The following UNC5C variants were observed in gnomAD, a reference collection of about 807,000 sequenced individuals.
UNC5C encodes the protein unc-5 netrin receptor C.
UNC5C carries 47 observed loss-of-function variants against 99.8 expected under a neutral mutation model. That is an observed-to-expected ratio of 0.47 (90% CI 0.37 to 0.60). The LOEUF (loss-of-function observed/expected upper bound fraction) is 0.60, where lower values mean the gene tolerates loss of function less well. Among genes scored for constraint, UNC5C ranks in the 20% least tolerant of loss-of-function variants. The pLI, the probability that UNC5C is intolerant of heterozygous loss-of-function variation, is 0.00. For missense variants in UNC5C, 1,062 were observed against 1,165.9 expected, an observed-to-expected ratio of 0.91 and a Z score of 1.30; for synonymous variants, 487 against 452.2, an observed-to-expected ratio of 1.08 and a Z score of -0.98.
intron 1 of UNC5C, among the ~76,000 whole-genome samples, chr4:95,516,366 CT>C (rs1258981345): frequency 6.6e-6 from 1 of 152,126 alleles, no homozygotes; most frequent in Non-Finnish European, 1.5e-5. Context: ...ACAGAAGGTT[CT>C]TTGGTTTGGA....
At chr4:95,307,706 A>C (rs1742112009) in intron 2 of UNC5C, among the ~76,000 whole-genome samples, 1 of 152,210 alleles carries the variant, frequency 6.6e-6, no homozygotes, top group African/African-American at 2.4e-5. Context: ...ATAAACAAAG[A>C]TGCAAAAATC....
chr4:95,528,394 A>G (rs927369203), intron 1 of UNC5C, among the ~76,000 whole-genome samples: 1 of 152,166 alleles, frequency 6.6e-6, no homozygotes, highest in African/African-American at 2.4e-5. Flanking sequence ...CCTTCAAGGA[A>G]AAGGAGAAAT....
chr4:95,548,285 GC>G (rs1723129179), intron 1 of UNC5C, among the ~76,000 whole-genome samples: 1 of 152,104 alleles, frequency 6.6e-6, no homozygotes, highest in Admixed American at 6.5e-5. Flanking sequence ...TGAAGATCCT[GC>G]TACCCCAGTC....
At chr4:95,219,934 A>G in intron 8 of UNC5C, 51 bp downstream of exon 8, 1 of 1,561,704 alleles carries the variant, frequency 6.4e-7, no homozygotes, top group East Asian at 2.3e-5. Context: ...ATTGATTTTG[A>G]AACTGCTTAC....
At chr4:95,238,452 T>C (rs1739206519) in intron 7 of UNC5C, among the ~76,000 whole-genome samples, 1 of 152,120 alleles carries the variant, frequency 6.6e-6, no homozygotes, top group Admixed American at 6.5e-5. Flanking sequence ...AAATGGAAAT[T>C]TTTAACTTAG....
At chr4:95,311,303 C>CA (rs1348246744) in intron 2 of UNC5C, among the ~76,000 whole-genome samples, 8 of 152,016 alleles carry the variant, frequency 5.3e-5, no homozygotes, top group African/African-American at 1.9e-4. Flanking sequence ...ATAAAAAAAA[C>CA]AATTTTGTGA....
chr4:95,520,257 C>T (rs1016181092), intron 1 of UNC5C, among the ~76,000 whole-genome samples: 11 of 152,100 alleles, frequency 7.2e-5, no homozygotes, highest in African/African-American at 2.7e-4. Flanking sequence ...GTCATTCTTT[C>T]AAGATAATAC....
intron 1 of UNC5C, among the ~76,000 whole-genome samples, chr4:95,369,329 T>C (rs1276657259): frequency 6.6e-6 from 1 of 151,934 alleles, no homozygotes; most frequent in Non-Finnish European, 1.5e-5. Flanking sequence ...GGTGGGCAGA[T>C]CACTTGAGGT....
rs560307300 is a variant in UNC5C, at chr4:95,427,278, T to C, written c.125-91647A>G. On this transcript the variant is annotated intron_variant, in intron 1 of 15. Coordinates refer to ENST00000453304, the MANE Select transcript of UNC5C (RefSeq NM_003728.4). ...TTCCTGGTCAAGATGCTGTGAATATTGTTGAAATGACAACAAAGGATTTAG... is the reference window on the plus strand; with the variant it reads ...TTCCTGGTCAAGATGCTGTGAATATCGTTGAAATGACAACAAAGGATTTAG... Among the ~76,000 whole-genome samples the C allele has an allele frequency of 6.4e-4, 97 of 152,332 alleles. 1 individual carries two copies. The highest frequency in any genetic ancestry group is 2.3e-3 in the African/African-American group (97 of 41,592).
intron 1 of UNC5C, among the ~76,000 whole-genome samples, chr4:95,388,277 A>C (rs1036800118): frequency 3.9e-5 from 6 of 152,228 alleles, no homozygotes; most frequent in Non-Finnish European, 7.3e-5. Context: ...AGAACATAAA[A>C]TAATACCTTG....
intron 10 of UNC5C, among the ~76,000 whole-genome samples, chr4:95,213,939 T>C (rs772533544): frequency 2.7e-4 from 41 of 152,148 alleles, no homozygotes; most frequent in Non-Finnish European, 4.7e-4. Context: ...AGAAAGTGCT[T>C]TGTGATCAGA....
At chr4:95,255,638 C>T (rs896353021) in intron 4 of UNC5C, among the ~76,000 whole-genome samples, 1 of 152,104 alleles carries the variant, frequency 6.6e-6, no homozygotes, top group African/African-American at 2.4e-5. Flanking sequence ...ATTTGTACTC[C>T]GTATCTTAGT....
At chr4:95,369,514 C>T (rs959262970) in intron 1 of UNC5C, among the ~76,000 whole-genome samples, 3 of 151,990 alleles carry the variant, frequency 2.0e-5, no homozygotes, top group African/African-American at 4.8e-5. Context: ...ATTGCTTGCG[C>T]CACTGCACTC....
rs1037924480 is a variant in UNC5C at position 95,166,149 on chromosome 4, T to C, written c.*3085A>G. 1.3e-5 allele frequency: 2 copies of C among 152,208 alleles called. No homozygotes were observed. Among genetic ancestry groups the C allele is most frequent in the South Asian group, 2.1e-4 (1 of 4,832 alleles). 9.4% of individuals were successfully genotyped at this position (152,208 alleles called of 1,614,324 possible). On this transcript the variant is annotated 3_prime_UTR_variant, in exon 16 of 16. Coordinates refer to ENST00000453304, the MANE Select transcript of UNC5C (RefSeq NM_003728.4). ...GCAGCATGCACAAATGATAGTTTTT[T>C]CTATCCAAATGAAACCAGCCAAACT...
chr4:95,269,448 A>C (rs1740575333), intron 4 of UNC5C, among the ~76,000 whole-genome samples: 1 of 151,884 alleles, frequency 6.6e-6, no homozygotes, highest in African/African-American at 2.4e-5. Context: ...TGCCTGGCTA[A>C]TTTTTATTTT....
At chr4:95,345,792 A>G (rs1260865995) in intron 1 of UNC5C, among the ~76,000 whole-genome samples, 1 of 152,010 alleles carries the variant, frequency 6.6e-6, no homozygotes, top group Non-Finnish European at 1.5e-5. Context: ...AAATTTAAAA[A>G]TTTATTGAAA....
rs540046258 is a variant in UNC5C at position 95,219,596 on chromosome 4, C to T, written c.1301-283G>A. On this transcript the variant is annotated intron_variant, in intron 8 of 15. Coordinates refer to ENST00000453304, the MANE Select transcript of UNC5C (RefSeq NM_003728.4). ...CAACAGATTGGATTGAACAACGAGC[C>T]TCACTAGGTGACGATTAGCTATGGT... Among the ~76,000 whole-genome samples, 4 of 152,252 alleles carry T rather than the reference C, an allele frequency of 2.6e-5. No homozygotes were observed. The South Asian group carries it at 8.3e-4, about 32-fold the overall frequency.
intron 5 of UNC5C, among the ~76,000 whole-genome samples, chr4:95,248,785 C>T (rs1017646490): frequency 1.3e-5 from 2 of 152,154 alleles, no homozygotes; most frequent in Admixed American, 1.3e-4. Flanking sequence ...ATTCCTATCA[C>T]CTAATAACCT....
chr4:95,407,241 G>A (rs1201193831), intron 1 of UNC5C, among the ~76,000 whole-genome samples: 1 of 152,074 alleles, frequency 6.6e-6, no homozygotes, highest in Non-Finnish European at 1.5e-5. Flanking sequence ...ACTATATGAA[G>A]AGAATAAAGG....
Sources: allele counts gnomAD v4.1 joint callset (sites outside exome capture counted in the v4.1 genomes callset), GRCh38; gene constraint gnomAD v4.1.1; transcripts MANE v1.5; gene names NCBI Gene and HGNC (gene_info 2026-07-23, HGNC 2026-07-21).